LPP: variants seen among roughly 807,000 people sequenced by gnomAD.
The protein encoded by LPP is LIM domain containing preferred translocation partner in lipoma.
In LPP, 38 loss-of-function variants were observed where a neutral mutation model predicts 60.4. That is an observed-to-expected ratio of 0.63 (90% CI 0.49 to 0.83). LPP has a LOEUF of 0.83. LPP is among the 40% of genes least tolerant of loss of function. The pLI is 0.00. For synonymous variants in LPP, 328 were observed against 290.8 expected (o/e 1.13, Z -1.30); for missense variants, 902 against 783.6 (o/e 1.15, Z -1.80).
rs562012557 is a variant in LPP at position 188,370,320 on chromosome 3, G to C, written c.-10+28601G>C. On this transcript the variant is annotated intron_variant, in intron 3 of 11. Transcript: ENST00000617246. ...AGAGAGCTCATGTAAATTCCTGAAG[G>C]CTGCACCGCCTACAAGTGGTGGGGC... 2.4e-4 allele frequency among the ~76,000 whole-genome samples: 37 copies of C among 152,208 alleles called. 1 individual carries two copies. The South Asian group carries it at 7.3e-3, about 30-fold the overall frequency.
chr3:188,248,453 A>C (rs993703525), intron 2 of LPP, among the ~76,000 whole-genome samples: 1 of 101,260 alleles, frequency 9.9e-6, no homozygotes, highest in Non-Finnish European at 2.0e-5. Context: ...CCTAGTGTTC[A>C]GCTGCAGTAT....
At chr3:188,812,121 T>G (rs1751178381) in intron 9 of LPP, among the ~76,000 whole-genome samples, 1 of 152,184 alleles carries the variant, frequency 6.6e-6, no homozygotes, top group Admixed American at 6.5e-5. Context: ...TGAGTACGTT[T>G]ATAGATATTC....
chr3:188,245,846 C>T (rs774278531), intron 2 of LPP, among the ~76,000 whole-genome samples: 9 of 152,204 alleles, frequency 5.9e-5, no homozygotes, highest in Non-Finnish European at 1.0e-4. Context: ...CCAGCCCAGC[C>T]CTGCTTTCAC....
chr3:188,246,187 CT>C (rs11294253), intron 2 of LPP, among the ~76,000 whole-genome samples: 7,459 of 147,752 alleles, frequency 0.05, 229 homozygotes, highest in African/African-American at 0.079. Flanking sequence ...CTGTCTACAA[CT>C]TTTTTTTTTT....
intron 4 of LPP, among the ~76,000 whole-genome samples, chr3:188,431,598 A>C (rs1316465960): frequency 1.3e-5 from 2 of 152,154 alleles, no homozygotes; most frequent in Non-Finnish European, 2.9e-5. Flanking sequence ...GGTGGCAGTC[A>C]ATCAAAATGG....
chr3:188,841,655 C>T (rs1338984131), intron 9 of LPP, among the ~76,000 whole-genome samples: 1 of 152,128 alleles, frequency 6.6e-6, no homozygotes, highest in Non-Finnish European at 1.5e-5. Context: ...CCACTGCGCC[C>T]AGCCCTGAAT....
chr3:188,582,518 G>T (rs904972309), intron 6 of LPP, among the ~76,000 whole-genome samples: 1 of 151,834 alleles, frequency 6.6e-6, no homozygotes, highest in Non-Finnish European at 1.5e-5. Flanking sequence ...TTGGGGAGGG[G>T]TGTCTTTCCT....
rs182375646 is a variant in LPP, at chr3:188,370,214, C to T, written c.-10+28495C>T. 7.0e-4 allele frequency among the ~76,000 whole-genome samples: 107 copies of T among 152,294 alleles called. 1 individual carries two copies. Among genetic ancestry groups the T allele is most frequent in the Admixed American group, 4.4e-3 (67 of 15,296 alleles). Reference sequence around the variant, plus strand: ...GTGTTGGGATTACAGGCGTGAGTCACCACACCTGGCCAGTCACTAATTATT... The same window carrying T: ...GTGTTGGGATTACAGGCGTGAGTCATCACACCTGGCCAGTCACTAATTATT... On this transcript the variant is annotated intron_variant, in intron 3 of 11. Coordinates refer to ENST00000617246, the MANE Select transcript of LPP (RefSeq NM_001375462.1).
At chr3:188,371,752 T>G (rs1191087513) in intron 3 of LPP, among the ~76,000 whole-genome samples, 8 of 143,726 alleles carry the variant, frequency 5.6e-5, no homozygotes, top group African/African-American at 2.1e-4. Context: ...CTTCCTGGGT[T>G]CAAACGATTC....
intron 6 of LPP, among the ~76,000 whole-genome samples, chr3:188,579,473 A>G (rs1835537960): frequency 1.3e-5 from 2 of 152,186 alleles, no homozygotes; most frequent in African/African-American, 4.8e-5. Flanking sequence ...AACATTCTGT[A>G]ATTACTTAAA....
intron 6 of LPP, among the ~76,000 whole-genome samples, chr3:188,588,648 G>T (rs575172592): frequency 1.5e-3 from 227 of 152,292 alleles, no homozygotes; most frequent in Non-Finnish European, 2.4e-3. Context: ...TCACTTATAT[G>T]TAAAGCATTT....
intron 5 of LPP, among the ~76,000 whole-genome samples, chr3:188,513,546 G>A (rs764352451): frequency 1.7e-4 from 26 of 151,828 alleles, no homozygotes; most frequent in Admixed American, 9.2e-4. Context: ...TTGATGAATA[G>A]ATAATATATG....
At chr3:188,827,465 A>G (rs1163955361) in intron 9 of LPP, among the ~76,000 whole-genome samples, 2 of 152,228 alleles carry the variant, frequency 1.3e-5, no homozygotes, top group Non-Finnish European at 2.9e-5. Context: ...TGGTGATTCT[A>G]CAGAGCAGAA....
rs1276514515 is a variant in LPP, at chr3:188,466,804, AACATATATATATATATATATAT to A, written c.194-17786_194-17765del. Reference sequence around the variant, plus strand: ...AAAAAAGTGGTTTCTGTCATCTCAGAACATATATATATATATATATATATATATATATATATATGCTGTGTAA... The same window carrying A: ...AAAAAAGTGGTTTCTGTCATCTCAGAATATATATATATATATGCTGTGTAA... On this transcript the variant is annotated intron_variant, in intron 4 of 11. Transcript: ENST00000617246. Among the ~76,000 whole-genome samples, 24 of 72,938 alleles carry A rather than the reference AACATATATATATATATATATAT, an allele frequency of 3.3e-4. 2 individuals carry two copies. The highest frequency in any genetic ancestry group is 9.7e-4 in the African/African-American group (20 of 20,704). The allele number at this position is 72,938 out of a possible 152,430, so 47.9% of individuals were successfully genotyped here.
intron 5 of LPP, among the ~76,000 whole-genome samples, chr3:188,512,329 G>C (rs111937597): frequency 1.3e-5 from 2 of 152,034 alleles, no homozygotes; most frequent in African/African-American, 4.8e-5. Context: ...AGGCCTAGGC[G>C]GGTGGATCGC....
chr3:188,767,713 G>C (rs1201027860), intron 9 of LPP, among the ~76,000 whole-genome samples: 1 of 152,104 alleles, frequency 6.6e-6, no homozygotes, highest in Non-Finnish European at 1.5e-5. Flanking sequence ...CGCACTCTTG[G>C]GTTAAGGAAT....
chr3:188,274,407 T>G (rs574706559), intron 2 of LPP, among the ~76,000 whole-genome samples: 3 of 152,324 alleles, frequency 2.0e-5, no homozygotes, highest in African/African-American at 7.2e-5. Context: ...TGTGTCAAAT[T>G]TATTTTTGTA....
At chr3:188,868,033 T>G (rs890296973) in intron 10 of LPP, among the ~76,000 whole-genome samples, 1 of 152,172 alleles carries the variant, frequency 6.6e-6, no homozygotes, top group African/African-American at 2.4e-5. Context: ...CAACCTGAAT[T>G]AGACAAGGAA....
intron 3 of LPP, among the ~76,000 whole-genome samples, chr3:188,388,427 A>G (rs1220610059): frequency 2.0e-5 from 3 of 152,212 alleles, no homozygotes; most frequent in Non-Finnish European, 4.4e-5. Context: ...GTAATGAGCA[A>G]CTGGGACCAT....
Sources: allele counts gnomAD v4.1 joint callset (sites outside exome capture counted in the v4.1 genomes callset), GRCh38; gene constraint gnomAD v4.1.1; transcripts MANE v1.5; gene names NCBI Gene and HGNC (gene_info 2026-07-23, HGNC 2026-07-21).